Variants in GALC observed in about 807,000 individuals in gnomAD.
The protein encoded by GALC is galactocerebrosidase.
Under a neutral mutation model 91.8 loss-of-function variants are expected in GALC, and 77 were observed. The ratio of observed to expected loss-of-function variants is 0.84; its 90% CI spans 0.70 to 1.01. The LOEUF is 1.01. Among genes scored for constraint, GALC ranks in the 50% least tolerant of loss-of-function variants. GALC has a pLI of 0.00. For synonymous variants in GALC, 357 were observed against 306.7 expected, an observed-to-expected ratio of 1.16 and a Z score of -1.71; for missense variants, 882 against 855.9, an observed-to-expected ratio of 1.03 and a Z score of -0.38.
intron 6 of GALC, among the ~76,000 whole-genome samples, chr14:87,977,839 ATATAT>A (rs1271351686): frequency 3.3e-5 from 5 of 152,164 alleles, no homozygotes; most frequent in Admixed American, 2.0e-4. Context: ...CTTAAAATAG[ATATAT>A]TATAGGATTT....
At position 87,992,972 on chromosome 14, in the gene GALC, C is replaced by G; in HGVS notation, c.193G>C (p.Gly65Arg). 6.6e-7 allele frequency: 1 copy of G among 1,520,982 alleles called. No individual in the cohort carries two copies. Among genetic ancestry groups the G allele is most frequent in the South Asian group, 1.2e-5 (1 of 82,132 alleles). 94.2% of individuals were successfully genotyped at this position (1,520,982 alleles called of 1,614,324 possible). A position where few individuals can be genotyped will look rare whatever the true frequency, so the allele number is the denominator to read the frequency against. The change falls in exon 1 of 17, where the codon GGG (glycine) becomes CGG (arginine). Residue 65 changes from glycine (G) to arginine (R), a missense_variant and splice_region_variant. Transcript: ENST00000261304. ...FDGIGAVSGG[G>R]ATSRLLVNYP... ...TATCCCCGCAGCTTGCCGCTCACCC[C>G]GCCGCCGCTGACCGCGCCGATGCCG... is the stretch of plus-strand genomic sequence containing the variant.
chr14:87,987,654 C>T (rs1378823633), intron 3 of GALC: 1 of 155,944 alleles, frequency 6.4e-6, no homozygotes, highest in Non-Finnish European at 1.4e-5. Context: ...TATAAACTGC[C>T]AGTTGATAAC....
At chr14:87,993,358 G>T, upstream of GALC, 1 of 1,535,422 alleles carries the variant, frequency 6.5e-7, no homozygotes, top group African/African-American at 1.4e-5. Flanking sequence ...TCTGTGGTCA[G>T]CTACTGGATT....
At chr14:87,936,643 A>T (rs1884580244) in intron 16 of GALC, among the ~76,000 whole-genome samples, 1 of 151,820 alleles carries the variant, frequency 6.6e-6, no homozygotes. Context: ...GACTTAGTAA[A>T]GTGCATACAG....
At chr14:87,947,968 A>G in intron 12 of GALC, 90 bp from the exon 13 acceptor site, 1 of 1,169,894 alleles carries the variant, frequency 8.5e-7, no homozygotes, top group Admixed American at 2.0e-5. Context: ...AGCTTAAAGA[A>G]AAGTCCAAAT....
intron 8 of GALC, 53 bp downstream of exon 8, chr14:87,968,282 T>A: frequency 6.8e-7 from 1 of 1,462,256 alleles, no homozygotes; most frequent in Non-Finnish European, 9.5e-7. Flanking sequence ...TTCTAACTCT[T>A]ATGTTTTTAA....
At chr14:87,963,744 G>A (rs1382869456) in intron 9 of GALC, among the ~76,000 whole-genome samples, 2 of 151,902 alleles carry the variant, frequency 1.3e-5, no homozygotes, top group African/African-American at 2.4e-5. Context: ...AAATGAACCT[G>A]TCAGTTCAAG....
chr14:87,964,333 T>G (rs528575788), intron 9 of GALC, among the ~76,000 whole-genome samples: 1 of 152,170 alleles, frequency 6.6e-6, no homozygotes, highest in East Asian at 1.9e-4. Context: ...AAATTTAAGT[T>G]TAAAATAAAA....
chr14:87,983,535 A>G (rs1886835103), intron 5 of GALC, among the ~76,000 whole-genome samples: 1 of 152,230 alleles, frequency 6.6e-6, no homozygotes, highest in African/African-American at 2.4e-5. Flanking sequence ...CTCAAATATT[A>G]CAGTCACAGT....
At chr14:87,955,169 A>C in intron 10 of GALC, 1 of 1,305,808 alleles carries the variant, frequency 7.7e-7, no homozygotes, top group Non-Finnish European at 1.1e-6. Context: ...TTTTATCCTG[A>C]CACTGTAAAG....
upstream of GALC, chr14:87,993,582 CT>C (rs1274712478): frequency 2.9e-6 from 3 of 1,027,084 alleles, no homozygotes; most frequent in Non-Finnish European, 4.3e-6. Context: ...AATCACTTTG[CT>C]TTTGGAGCCT....
At chr14:87,972,531 T>G (rs1244063213) in intron 7 of GALC, among the ~76,000 whole-genome samples, 1 of 152,198 alleles carries the variant, frequency 6.6e-6, no homozygotes, top group Non-Finnish European at 1.5e-5. Context: ...CGATGATTTT[T>G]GTACTTTTAT....
intron 1 of GALC, among the ~76,000 whole-genome samples, chr14:87,991,368 A>G (rs1887193518): frequency 6.6e-6 from 1 of 152,070 alleles, no homozygotes; most frequent in African/African-American, 2.4e-5. Context: ...AAGACTGGCT[A>G]ATTTTTTGTA....
At chr14:87,944,294 T>C (rs1340427719) in intron 14 of GALC, among the ~76,000 whole-genome samples, 1 of 151,736 alleles carries the variant, frequency 6.6e-6, no homozygotes, top group African/African-American at 2.4e-5. Flanking sequence ...TGAGTTTGAG[T>C]TTAGAAAGAG....
chr14:87,941,965 G>A (rs977387080), intron 14 of GALC, among the ~76,000 whole-genome samples: 1 of 113,926 alleles, frequency 8.8e-6, no homozygotes, highest in African/African-American at 2.6e-5. Flanking sequence ...AACAAAGAGA[G>A]GCAATGAAGG....
intron 10 of GALC, among the ~76,000 whole-genome samples, chr14:87,956,566 T>C (rs1595205475): frequency 6.9e-6 from 1 of 144,184 alleles, no homozygotes; most frequent in African/African-American, 2.5e-5. Flanking sequence ...GCACCATATA[T>C]ATATATATAC....
chr14:87,988,525 TA>T lies in GALC; in HGVS notation c.196-3del, dbSNP rs561184126. The T allele has an allele frequency of 2.2e-3, 3,117 of 1,428,730 alleles. No individual in the cohort carries two copies. Among genetic ancestry groups the T allele is most frequent in the Non-Finnish European group, 2.6e-3 (2,741 of 1,039,500 alleles). 88.5% of individuals were successfully genotyped at this position (1,428,730 alleles called of 1,614,324 possible). On this transcript the variant is annotated splice_region_variant and splice_polypyrimidine_tract_variant and intron_variant, in intron 1 of 16. Coordinates refer to ENST00000261304, the MANE Select transcript of GALC (RefSeq NM_000153.4). ...ATTTACTAGAAGTCGGGAGGTTGCC[TA>T]AAAAAAAAAGTTTTCAAAAGTATGA...
rs866645544 is a variant in GALC, at chr14:87,952,861, G to A, written c.1162-2113C>T. On this transcript the variant is annotated intron_variant, in intron 10 of 16. Coordinates refer to ENST00000261304, the MANE Select transcript of GALC (RefSeq NM_000153.4). ...ACGAGCTCTAATATGCAAATATGTG[G>A]ATTTGAAAGCATAGTTCTGCATTTA... The A allele has an allele frequency of 1.8e-5, 20 of 1,128,204 alleles. No individual in the cohort carries two copies. In the African/African-American group the frequency reaches 1.8e-4, roughly 10 times the overall value. The allele number at this position is 1,128,204 out of a possible 1,614,324, so 69.9% of individuals were successfully genotyped here. A position where few individuals can be genotyped will look rare whatever the true frequency, so the allele number is the denominator to read the frequency against.
At chr14:87,964,308 A>G (rs1277935490) in intron 9 of GALC, among the ~76,000 whole-genome samples, 10 of 152,154 alleles carry the variant, frequency 6.6e-5, no homozygotes, top group African/African-American at 2.4e-4. Context: ...AGCACAACTA[A>G]AAGGGAAAAC....
Sources: allele counts gnomAD v4.1 joint callset (sites outside exome capture counted in the v4.1 genomes callset), GRCh38; gene constraint gnomAD v4.1.1; transcripts MANE v1.5; gene names NCBI Gene and HGNC (gene_info 2026-07-23, HGNC 2026-07-21).